SLU7: variants seen among roughly 807,000 people sequenced by gnomAD.
The protein encoded by SLU7 is pre-mRNA-splicing factor SLU7.
SLU7 carries 60 observed loss-of-function variants against 87.0 expected under a neutral mutation model. The observed-to-expected ratio is 0.69, with a 90% confidence interval of 0.56 to 0.86. The LOEUF (loss-of-function observed/expected upper bound fraction) is 0.86, where lower values mean the gene tolerates loss of function less well. SLU7 is among the 40% of genes least tolerant of loss of function. SLU7 has a pLI of 0.00. For missense variants in SLU7, 507 were observed against 686.6 expected, an observed-to-expected ratio of 0.74 and a Z score of 2.92; for synonymous variants, 197 against 222.0, an observed-to-expected ratio of 0.89 and a Z score of 1.00.
intron 12 of SLU7, among the ~76,000 whole-genome samples, chr5:160,406,053 T>C (rs897941644): frequency 5.3e-5 from 8 of 152,250 alleles, no homozygotes; most frequent in African/African-American, 1.2e-4. Flanking sequence ...TGTGGTTATA[T>C]AGAAGAAAAT....
Position 160,413,152 on chromosome 5 carries a change from C to G in SLU7, c.570+304G>C, listed in dbSNP as rs555295659. On this transcript the variant is annotated intron_variant, in intron 5 of 15. Coordinates refer to ENST00000297151, the MANE Select transcript of SLU7 (RefSeq NM_006425.5). ...TAGCTTGGGGCCATACATTTCTAAC[C>G]TCACAAAACCAAAAGCTTTGGACAC... Among the ~76,000 whole-genome samples the G allele has an allele frequency of 2.6e-5, 4 of 152,278 alleles. No individual in the cohort carries two copies. In the South Asian group the frequency reaches 8.3e-4, roughly 32 times the overall value.
At chr5:160,406,913 T>C (rs1291286371) in intron 11 of SLU7, among the ~76,000 whole-genome samples, 1 of 152,256 alleles carries the variant, frequency 6.6e-6, no homozygotes, top group Middle Eastern at 3.2e-3. Flanking sequence ...TTTCTTCCCA[T>C]CAAGAGACGA....
intron 1 of SLU7, 41 bp from the exon 2 acceptor site, chr5:160,415,351 C>T (rs1053654717): frequency 1.4e-6 from 2 of 1,430,398 alleles, no homozygotes; most frequent in African/African-American, 2.9e-5. Context: ...AGTAGGCCTT[C>T]ATGAATTCAC....
chr5:160,407,727 A>G lies in SLU7; in HGVS notation c.985+19T>C. 1 of 1,609,410 alleles carries G rather than the reference A, an allele frequency of 6.2e-7. No homozygotes were observed. The highest frequency in any genetic ancestry group is 8.5e-7 in the Non-Finnish European group (1 of 1,177,458). ...TTATGAGCTGATATAAAATGGCTTG[A>G]CATAGAGGAAACACTTACACTGTGT... is the stretch of plus-strand genomic sequence containing the variant. On this transcript the variant is annotated intron_variant, in intron 10 of 15. Transcript: ENST00000297151. This position sits in a 1 kb window ranked among gnomAD's most constrained non-coding sequence, Gnocchi z 4.2.
chr5:160,413,320 G>T, intron 5 of SLU7, 136 bp downstream of exon 5: 1 of 632,818 alleles, frequency 1.6e-6, no homozygotes, highest in South Asian at 2.1e-5. Context: ...TATAAAGGTA[G>T]CCTATACAGT....
intron 1 of SLU7, among the ~76,000 whole-genome samples, chr5:160,416,248 G>C (rs1765450815): frequency 6.6e-6 from 1 of 152,032 alleles, no homozygotes; most frequent in South Asian, 2.1e-4. Flanking sequence ...GTTATTTAAT[G>C]TTGGATTCCT....
In SLU7 at chr5:160,408,334, C is replaced by T; in HGVS notation, c.814G>A (p.Ala272Thr). The T allele has an allele frequency of 6.2e-7, 1 of 1,604,828 alleles. No individual in the cohort carries two copies. ...GTTAAGCTGACAAGACTTACTTTTG[C>T]AATATCTTCTCGAATCCTGAGATTC... is the stretch of plus-strand genomic sequence containing the variant. ...VRNLRIREDI[A>T]KYLRNLDPNS... The change falls in exon 8 of 16, where the codon GCA (alanine) becomes ACA (threonine). Residue 272 changes from alanine to threonine, a missense_variant. By Grantham distance (58) the Ala-to-Thr change is moderately conservative (BLOSUM62 0). This residue lies in a region of SLU7 where 49 missense variants were observed against 144.1 expected (regional missense o/e 0.34). Transcript: ENST00000297151.
intron 6 of SLU7, among the ~76,000 whole-genome samples, chr5:160,411,287 A>T (rs1049162113): frequency 2.0e-5 from 3 of 151,900 alleles, no homozygotes; most frequent in African/African-American, 7.3e-5. Flanking sequence ...GCTAGAGCAC[A>T]GTGACGTGAT....
Position 160,403,429 on chromosome 5 carries a change from G to C in SLU7, c.1617C>G (p.Val539=), listed in dbSNP as rs1764871355. Residue 539 remains valine, a synonymous_variant, in exon 16 of 16, where the codon GTC becomes GTG. Transcript: ENST00000297151. ...LNAEEARLLH[V]KETMQIDERK... is the part of the protein sequence containing the mutation. ...TCTCATCAATCTGCATGGTCTCCTT[G>C]ACATGAAGAAGGCGGGCCTCCTCTG... 2 of 1,611,836 alleles carry C rather than the reference G, an allele frequency of 1.2e-6. No individual in the cohort carries two copies. The highest frequency in any genetic ancestry group is 8.5e-7 in the Non-Finnish European group (1 of 1,179,160).
intron 1 of SLU7, chr5:160,418,690 C>A (rs1031147868): frequency 6.6e-6 from 1 of 152,186 alleles, no homozygotes; most frequent in Admixed American, 6.5e-5. Flanking sequence ...ATTTTTCTGG[C>A]GAGGAAATAC....
chr5:160,418,612 A>G (rs1461896234), intron 1 of SLU7: 1 of 152,210 alleles, frequency 6.6e-6, no homozygotes, highest in Non-Finnish European at 1.5e-5. Context: ...GTTTTCATTT[A>G]TACCCGCATG....
rs1335681841 is a variant in SLU7, at chr5:160,412,418, A to G, written c.639+33T>C. 3 of 1,253,596 alleles carry G rather than the reference A, an allele frequency of 2.4e-6. No homozygotes were observed. The African/African-American group carries it at 4.5e-5, about 19-fold the overall frequency. The allele number at this position is 1,253,596 out of a possible 1,614,324, so 77.7% of individuals were successfully genotyped here. ...TTTCATTTCTTTGTTTAAAAGAAAT[A>G]AAACCTTTTTATTGATCATTTTCAT... On this transcript the variant is annotated intron_variant, in intron 6 of 15. Transcript: ENST00000297151.
intron 15 of SLU7, among the ~76,000 whole-genome samples, 154 bp downstream of exon 15, chr5:160,404,286 G>A (rs1764905996): frequency 6.6e-6 from 1 of 152,182 alleles, no homozygotes; most frequent in Non-Finnish European, 1.5e-5. Flanking sequence ...AATTGCTTGA[G>A]CCTATGAGGT....
rs114411415 is a variant in SLU7, at chr5:160,416,628, C to T, written c.-16-1318G>A. 9.3e-4 allele frequency among the ~76,000 whole-genome samples: 142 copies of T among 152,318 alleles called. 2 individuals are homozygous for T. Among genetic ancestry groups the T allele is most frequent in the African/African-American group, 3.3e-3 (136 of 41,572 alleles). ...TGCTTCAGCTTATCCCTACATCTATCTCATCACTAAGAACAGTTATTTTCA... is the reference window on the plus strand; with the variant it reads ...TGCTTCAGCTTATCCCTACATCTATTTCATCACTAAGAACAGTTATTTTCA... On this transcript the variant is annotated intron_variant, in intron 1 of 15. Coordinates refer to ENST00000297151, the MANE Select transcript of SLU7 (RefSeq NM_006425.5).
At chr5:160,413,750 G>T in intron 4 of SLU7, 130 bp from the exon 5 acceptor site, 1 of 1,011,040 alleles carries the variant, frequency 9.9e-7, no homozygotes, top group Non-Finnish European at 1.4e-6. Flanking sequence ...AGAAAATTTT[G>T]TTGGTGTTGA....
At chr5:160,404,675 C>T (rs1764929407) in intron 14 of SLU7, 119 bp from the exon 15 acceptor site, 2 of 876,978 alleles carry the variant, frequency 2.3e-6, no homozygotes. Context: ...GCAGTGGGCC[C>T]AGACCGTGCA....
At chr5:160,405,439 A>T (rs186424407) in intron 12 of SLU7, among the ~76,000 whole-genome samples, 1 of 152,340 alleles carries the variant, frequency 6.6e-6, no homozygotes. Flanking sequence ...GGCAATAATC[A>T]GCTGTTGCTG....
At chr5:160,415,420 CTATATTATG>C (rs1765410272) in intron 1 of SLU7, 110 bp from the exon 2 acceptor site, 3 of 765,930 alleles carry the variant, frequency 3.9e-6, no homozygotes, top group Non-Finnish European at 5.7e-6. Context: ...TTTTTTTCTC[CTATATTATG>C]TGTAAGGAAG....
rs1764797756 is a variant in SLU7, at chr5:160,401,895, A to G, written c.*1390T>C. The stretch of plus-strand genomic sequence containing the variant: ...TCACACCACTGTTTCTGAGATGCTG[A>G]CTTAATGCAGTATCCTACAGGTGGT... On this transcript the variant is annotated 3_prime_UTR_variant, in exon 16 of 16. Transcript: ENST00000297151. 1 of 152,228 alleles carries G rather than the reference A, an allele frequency of 6.6e-6. No individual in the cohort carries two copies. Among genetic ancestry groups the G allele is most frequent in the Admixed American group, 6.5e-5 (1 of 15,288 alleles). 9.4% of individuals were successfully genotyped at this position (152,228 alleles called of 1,614,324 possible).
Sources: gnomAD v4.1 joint callset for allele counts (sites outside exome capture counted in the v4.1 genomes callset) on GRCh38, gnomAD v4.1.1 for gene constraint, gnomAD v4.1.1 regional missense constraint, Gnocchi (gnomAD v3.1) non-coding constraint, MANE v1.5 for transcripts, NCBI Gene and HGNC (gene_info 2026-07-23, HGNC 2026-07-21) for gene names.